Variants in SLC6A3 observed in about 807,000 individuals in gnomAD.
SLC6A3 encodes the protein sodium-dependent dopamine transporter.
SLC6A3 carries 19 observed loss-of-function variants against 70.4 expected under a neutral mutation model. The observed-to-expected ratio is 0.27, with a 90% CI of 0.19 to 0.40. The LOEUF (loss-of-function observed/expected upper bound fraction) is 0.40, where lower values mean the gene tolerates loss of function less well. Among genes scored for constraint, SLC6A3 ranks in the 10% least tolerant of loss-of-function variants. The pLI is 1.00. For synonymous variants in SLC6A3, 368 were observed against 356.6 expected, an observed-to-expected ratio of 1.03 and a Z score of -0.36; for missense variants, 613 against 838.5, an observed-to-expected ratio of 0.73 and a Z score of 3.32.
Position 1,437,786 on chromosome 5 carries a change from C to T in SLC6A3, c.418+3573G>A, listed in dbSNP as rs1279798895. 6.6e-6 allele frequency among the ~76,000 whole-genome samples: 1 copy of T among 152,264 alleles called. No individual in the cohort carries two copies. Among genetic ancestry groups the T allele is most frequent in the Non-Finnish European group, 1.5e-5 (1 of 68,050 alleles). On this transcript the variant is annotated intron_variant, in intron 3 of 14. Coordinates refer to ENST00000270349, the MANE Select transcript of SLC6A3 (RefSeq NM_001044.5). This position sits in a 1 kb window ranked among gnomAD's most constrained non-coding sequence, Gnocchi z 4.8. ...TTCCTGGAGAGCTGGCTTCATTCCC[C>T]CATGGAATTGCCACCTGCTCAGGGC...
chr5:1,438,072 C>A lies in SLC6A3; in HGVS notation c.418+3287G>T, dbSNP rs1756882038. ...AACAAACGGGACGCTGGCACCGGAA[C>A]CTGCAGCGTTACTGAGATTCAACAA... On this transcript the variant is annotated intron_variant, in intron 3 of 14. Coordinates refer to ENST00000270349, the MANE Select transcript of SLC6A3 (RefSeq NM_001044.5). The surrounding 1 kb of genome is among the most constrained non-coding windows in gnomAD (Gnocchi z 6.5). Among the ~76,000 whole-genome samples, 1 of 152,222 alleles carries A rather than the reference C, an allele frequency of 6.6e-6. No homozygotes were observed.
chr5:1,420,421 T>G, intron 6 of SLC6A3, 148 bp downstream of exon 6: 1 of 847,962 alleles, frequency 1.2e-6, no homozygotes, highest in Non-Finnish European at 2.0e-6. Flanking sequence ...TCGTGCTGTA[T>G]CACAGGTACT....
intron 4 of SLC6A3, among the ~76,000 whole-genome samples, chr5:1,425,908 A>AAG (rs1289064175): frequency 4.6e-5 from 7 of 152,248 alleles, no homozygotes; most frequent in African/African-American, 1.7e-4. Flanking sequence ...TAAACACATG[A>AAG]AGAGATGCCC....
intron 6 of SLC6A3, among the ~76,000 whole-genome samples, chr5:1,418,080 C>T (rs1258541419): frequency 1.3e-5 from 2 of 152,206 alleles, no homozygotes; most frequent in Non-Finnish European, 2.9e-5. Flanking sequence ...AGGAGCCAAG[C>T]CGAGAGTGGC....
chr5:1,400,413 C>T (rs1755817937), intron 14 of SLC6A3, among the ~76,000 whole-genome samples: 1 of 152,308 alleles, frequency 6.6e-6, no homozygotes, highest in Non-Finnish European at 1.5e-5. Context: ...AGCTGGATGG[C>T]TCCCAGGGTG....
Position 1,401,236 on chromosome 5 carries a change from G to A in SLC6A3, c.1768-250C>T, listed in dbSNP as rs931457761. 7 of 686,442 alleles carry A rather than the reference G, an allele frequency of 1.0e-5. No homozygotes were observed. The highest frequency in any genetic ancestry group is 3.5e-5 in the African/African-American group (2 of 56,938). The allele number at this position is 686,442 out of a possible 1,614,324, so 42.5% of individuals were successfully genotyped here. ...CCTGACGGTCCCCTTAAAGTCTAGC[G>A]CAGAGCAGAACATCAGCATTTGAGC... is the stretch of plus-strand genomic sequence containing the variant. On this transcript the variant is annotated intron_variant, in intron 13 of 14. Transcript: ENST00000270349. This position sits in a 1 kb window ranked among gnomAD's most constrained non-coding sequence, Gnocchi z 6.1.
At chr5:1,441,219 G>GC in intron 3 of SLC6A3, 140 bp downstream of exon 3, 4 of 995,668 alleles carry the variant, frequency 4.0e-6, no homozygotes, top group Non-Finnish European at 6.3e-6. Context: ...TGGGACCCAA[G>GC]TTCAAGTGGC....
At position 1,397,769 on chromosome 5, in the gene SLC6A3, C is replaced by A. The variant is rs116827056; in HGVS notation, c.1840-3011G>T. On this transcript the variant is annotated intron_variant, in intron 14 of 14. Transcript: ENST00000270349. This position sits in a 1 kb window ranked among gnomAD's most constrained non-coding sequence, Gnocchi z 4.7. Reference sequence around the variant, plus strand: ...TGTCTGAAGGATGCTTTTTGAAAAGCAAGAAAATGGTCCTAGAAGAAAAGA... The same window carrying A: ...TGTCTGAAGGATGCTTTTTGAAAAGAAAGAAAATGGTCCTAGAAGAAAAGA... Among the ~76,000 whole-genome samples, 203 of 152,204 alleles carry A rather than the reference C, an allele frequency of 1.3e-3. 1 individual carries two copies. The highest frequency in any genetic ancestry group is 4.7e-3 in the African/African-American group (195 of 41,528).
intron 6 of SLC6A3, among the ~76,000 whole-genome samples, chr5:1,416,736 A>C (rs550118158): frequency 3.4e-5 from 5 of 146,790 alleles, no homozygotes; most frequent in South Asian, 2.2e-4. Context: ...AACAGCACGG[A>C]CTCATCCACA....
At chr5:1,444,918 A>G (rs1733762767) in intron 1 of SLC6A3, among the ~76,000 whole-genome samples, 1 of 150,158 alleles carries the variant, frequency 6.7e-6, no homozygotes, top group Non-Finnish European at 1.5e-5. Flanking sequence ...CACCACCCCC[A>G]ACACAGACAA....
At chr5:1,412,908 C>T (rs1323414336) in intron 8 of SLC6A3, among the ~76,000 whole-genome samples, 1 of 152,178 alleles carries the variant, frequency 6.6e-6, no homozygotes, top group Non-Finnish European at 1.5e-5. Flanking sequence ...ACAGCCTCCG[C>T]GTGGGGTGGG....
intron 14 of SLC6A3, among the ~76,000 whole-genome samples, chr5:1,398,228 C>T (rs2126313259): frequency 6.6e-6 from 1 of 151,974 alleles, no homozygotes; most frequent in Non-Finnish European, 1.5e-5. Context: ...AGGTGTGGTG[C>T]TGGGCACCTG....
chr5:1,415,535 A>G (rs1361411055), intron 7 of SLC6A3, among the ~76,000 whole-genome samples: 1 of 152,036 alleles, frequency 6.6e-6, no homozygotes, highest in Admixed American at 6.5e-5. Context: ...TTGTATTTTT[A>G]CCGTGTTTCT....
chr5:1,432,229 C>T (rs1756721174), intron 4 of SLC6A3, among the ~76,000 whole-genome samples: 1 of 152,196 alleles, frequency 6.6e-6, no homozygotes, highest in African/African-American at 2.4e-5. Flanking sequence ...GGGAGCTGCT[C>T]AGTGCCCCAT....
intron 4 of SLC6A3, among the ~76,000 whole-genome samples, chr5:1,422,262 A>AC (rs1488943586): frequency 6.6e-6 from 1 of 152,286 alleles, no homozygotes; most frequent in East Asian, 1.9e-4. Context: ...TGCCCTTGGC[A>AC]CCCCTGCTCA....
At position 1,408,731 on chromosome 5, in the gene SLC6A3, C is replaced by T. The variant is rs1158602690; in HGVS notation, c.1498+295G>A. Among the ~76,000 whole-genome samples the T allele has an allele frequency of 6.6e-6, 1 of 152,188 alleles. No homozygotes were observed. Among genetic ancestry groups the T allele is most frequent in the Non-Finnish European group, 1.5e-5 (1 of 68,036 alleles). On this transcript the variant is annotated intron_variant, in intron 11 of 14. Coordinates refer to ENST00000270349, the MANE Select transcript of SLC6A3 (RefSeq NM_001044.5). This position sits in a 1 kb window ranked among gnomAD's most constrained non-coding sequence, Gnocchi z 6.4. ...CCCCAGCATGGATCTGATTGTGTTC[C>T]CCTGGGTGGGATGGGCTCACCGGTG...
At chr5:1,427,362 C>A (rs559078276) in intron 4 of SLC6A3, among the ~76,000 whole-genome samples, 1 of 151,970 alleles carries the variant, frequency 6.6e-6, no homozygotes, top group Non-Finnish European at 1.5e-5. Flanking sequence ...ATAAAATCCA[C>A]GAAGAAATGA....
chr5:1,434,071 A>G (rs529608330), intron 3 of SLC6A3, among the ~76,000 whole-genome samples: 4 of 152,378 alleles, frequency 2.6e-5, no homozygotes, highest in African/African-American at 9.6e-5. Context: ...GTGGCCATCT[A>G]TAGCTGCTCA....
chr5:1,432,517 G>A lies in SLC6A3; in HGVS notation c.600C>T (p.Asp200=), dbSNP rs1389277721. The A allele has an allele frequency of 2.5e-6, 4 of 1,614,142 alleles. No homozygotes were observed. In the East Asian group the frequency reaches 6.7e-5, roughly 27 times the overall value. The change falls in exon 4 of 15, where the codon GAC becomes GAT. Residue 200 remains aspartate, a synonymous_variant. Coordinates refer to ENST00000270349, the MANE Select transcript of SLC6A3 (RefSeq NM_001044.5). Reference sequence around the variant, plus strand: ...CAAAAGTGTCGTTGAGGCCCGAGCTGTCTCCACTGGAGTCACCAGGATGGG... The same window carrying A: ...CAAAAGTGTCGTTGAGGCCCGAGCTATCTCCACTGGAGTCACCAGGATGGG... The part of the protein sequence containing the change: ...SDAHPGDSSG[D]SSGLNDTFGT...
Sources: allele counts gnomAD v4.1 joint callset (sites outside exome capture counted in the v4.1 genomes callset), GRCh38; gene constraint gnomAD v4.1.1; non-coding constraint Gnocchi (gnomAD v3.1); transcripts MANE v1.5; gene names NCBI Gene and HGNC (gene_info 2026-07-23, HGNC 2026-07-21).